The following GABRA2 variants were observed in gnomAD, a reference collection of about 807,000 sequenced individuals.
The protein encoded by GABRA2 is gamma-aminobutyric acid type A receptor subunit alpha2, also known as gamma-aminobutyric acid receptor subunit alpha-2.
Under a neutral mutation model 48.7 loss-of-function variants are expected in GABRA2, and 16 were observed. That is an observed-to-expected ratio of 0.33 (90% CI 0.22 to 0.50). The LOEUF (loss-of-function observed/expected upper bound fraction) is 0.50, where lower values mean the gene tolerates loss of function less well. Ranked by LOEUF, GABRA2 falls within the 20% of genes least tolerant of loss-of-function variation. The pLI, the probability that GABRA2 is intolerant of heterozygous loss-of-function variation, is 0.98. For synonymous variants in GABRA2, 185 were observed against 184.5 expected, an observed-to-expected ratio of 1.00 and a Z score of -0.02; for missense variants, 275 against 535.6, an observed-to-expected ratio of 0.51 and a Z score of 4.80.
At chr4:46,275,054 G>A (rs892876649) in intron 8 of GABRA2, among the ~76,000 whole-genome samples, 7 of 151,976 alleles carry the variant, frequency 4.6e-5, no homozygotes, top group Admixed American at 1.3e-4. Context: ...AGAATTTAAC[G>A]CGGCTCTCGT....
At chr4:46,285,429 T>C (rs576589802) in intron 8 of GABRA2, among the ~76,000 whole-genome samples, 3 of 152,196 alleles carry the variant, frequency 2.0e-5, no homozygotes, top group South Asian at 2.1e-4. Context: ...CTTCTGCTGA[T>C]TGTAAGTTAA....
At chr4:46,324,630 G>C (rs1249357840) in intron 4 of GABRA2, among the ~76,000 whole-genome samples, 1 of 151,494 alleles carries the variant, frequency 6.6e-6, no homozygotes, top group East Asian at 1.9e-4. Flanking sequence ...TACACAACTA[G>C]ATTGCATGTT....
rs1485575079 is a variant in GABRA2, at chr4:46,389,988, G to C, written c.-264C>G. The C allele has an allele frequency of 1.4e-5, 14 of 987,164 alleles. No homozygotes were observed. Among genetic ancestry groups the C allele is most frequent in the Non-Finnish European group, 1.7e-5 (14 of 831,390 alleles). 61.2% of individuals were successfully genotyped at this position (987,164 alleles called of 1,614,324 possible). Reference sequence around the variant, plus strand: ...GAAGGCGTTCGTAGTGGCGGTGATGGGCGGAGGAGGAGGAAGAGGAGGAGG... The same window carrying C: ...GAAGGCGTTCGTAGTGGCGGTGATGCGCGGAGGAGGAGGAAGAGGAGGAGG... On this transcript the variant is annotated 5_prime_UTR_variant, in exon 1 of 10. Coordinates refer to ENST00000381620, the MANE Select transcript of GABRA2 (RefSeq NM_000807.4).
chr4:46,295,355 T>C (rs759273418), intron 8 of GABRA2, among the ~76,000 whole-genome samples: 13 of 152,106 alleles, frequency 8.5e-5, no homozygotes, highest in Non-Finnish European at 1.6e-4. Flanking sequence ...GATTGGAAAA[T>C]TGGTGACAAA....
Position 46,346,025 on chromosome 4 carries a change from G to A in GABRA2, c.188-13343C>T, listed in dbSNP as rs533473807. ...TCTTGTATCATAACTAGAATGTCAC[G>A]CACACATTTTAAGATGAGTTAGTCA... On this transcript the variant is annotated intron_variant, in intron 3 of 9. Coordinates refer to ENST00000381620, the MANE Select transcript of GABRA2 (RefSeq NM_000807.4). Among the ~76,000 whole-genome samples, 47 of 151,936 alleles carry A rather than the reference G, an allele frequency of 3.1e-4. 2 individuals carry two copies. In the South Asian group the frequency reaches 7.3e-3, roughly 23 times the overall value.
intron 8 of GABRA2, among the ~76,000 whole-genome samples, chr4:46,273,502 CATATATATATAT>C (rs71637683): frequency 3.3e-4 from 16 of 48,144 alleles, no homozygotes; most frequent in Non-Finnish European, 8.1e-5. Flanking sequence ...TATATATATG[CATATATATATAT>C]ATATATATAT....
chr4:46,309,606 C>T (rs1231321774), intron 6 of GABRA2, among the ~76,000 whole-genome samples: 1 of 151,774 alleles, frequency 6.6e-6, no homozygotes, highest in Non-Finnish European at 1.5e-5. Flanking sequence ...ACCCTTCTGA[C>T]CTAAAGAAGA....
Position 46,248,359 on chromosome 4 carries a change from C to G in GABRA2, c.*1949G>C, listed in dbSNP as rs1484276566. On this transcript the variant is annotated 3_prime_UTR_variant, in exon 10 of 10. Coordinates refer to ENST00000381620, the MANE Select transcript of GABRA2 (RefSeq NM_000807.4). ...TTAAATGTATAAGAAAATAGGATATCTTCTATTTCAATGTATGAATAAAGT... is the reference window on the plus strand; with the variant it reads ...TTAAATGTATAAGAAAATAGGATATGTTCTATTTCAATGTATGAATAAAGT... 2 of 151,280 alleles carry G rather than the reference C, an allele frequency of 1.3e-5. No individual in the cohort carries two copies. Among genetic ancestry groups the G allele is most frequent in the Non-Finnish European group, 3.0e-5 (2 of 67,588 alleles). 9.4% of individuals were successfully genotyped at this position (151,280 alleles called of 1,614,324 possible). A position where few individuals can be genotyped will look rare whatever the true frequency, so the allele number is the denominator to read the frequency against.
intron 6 of GABRA2, among the ~76,000 whole-genome samples, chr4:46,309,856 G>A (rs1205776036): frequency 1.3e-5 from 2 of 151,992 alleles, no homozygotes; most frequent in African/African-American, 2.4e-5. Flanking sequence ...AGAAACATTT[G>A]AGTTTTTAAT....
intron 8 of GABRA2, among the ~76,000 whole-genome samples, chr4:46,294,335 T>C (rs1410632824): frequency 6.6e-6 from 1 of 152,210 alleles, no homozygotes; most frequent in East Asian, 1.9e-4. Context: ...GTAAAATTTC[T>C]AGGGGTCCAG....
At position 46,247,306 on chromosome 4, in the gene GABRA2, A is replaced by T. The variant is rs1713897874; in HGVS notation, c.*3002T>A. Among the ~76,000 whole-genome samples the T allele has an allele frequency of 6.6e-6, 1 of 151,182 alleles. No individual in the cohort carries two copies. On this transcript the variant is annotated 3_prime_UTR_variant, in exon 10 of 10. Transcript: ENST00000381620. ...GAGAAAAACAGCCACCTATCCTAGC[A>T]CACTAGTGGCATCATAGCTCATTAA...
At chr4:46,385,078 C>CATATATAT (rs36113226) in intron 3 of GABRA2, among the ~76,000 whole-genome samples, 82 of 143,546 alleles carry the variant, frequency 5.7e-4, no homozygotes, top group South Asian at 2.7e-3. Flanking sequence ...AATTGCCTAA[C>CATATATAT]ATATATATAT....
intron 3 of GABRA2, chr4:46,367,988 C>A (rs1379330961): frequency 6.6e-6 from 1 of 152,044 alleles, no homozygotes; most frequent in Non-Finnish European, 1.5e-5. Context: ...CACATCTGGG[C>A]AGAAGCTTTA....
At chr4:46,270,304 A>G (rs1366315745) in intron 8 of GABRA2, among the ~76,000 whole-genome samples, 1 of 151,996 alleles carries the variant, frequency 6.6e-6, no homozygotes, top group Non-Finnish European at 1.5e-5. Flanking sequence ...CTGGAAAGAT[A>G]TGATTCTCAA....
intron 3 of GABRA2, among the ~76,000 whole-genome samples, chr4:46,361,277 C>G (rs989437114): frequency 1.3e-5 from 2 of 151,964 alleles, no homozygotes; most frequent in African/African-American, 2.4e-5. Context: ...GGCCGAGGGT[C>G]CCCCTGCTGT....
chr4:46,252,841 C>A (rs939331964), intron 9 of GABRA2, among the ~76,000 whole-genome samples: 3 of 151,362 alleles, frequency 2.0e-5, no homozygotes, highest in African/African-American at 7.3e-5. Flanking sequence ...TAATGTTTTT[C>A]TTCAGCTTGT....
chr4:46,358,512 G>A (rs1414854362), intron 3 of GABRA2, among the ~76,000 whole-genome samples: 3 of 152,132 alleles, frequency 2.0e-5, no homozygotes, highest in African/African-American at 4.8e-5. Context: ...GAGATGGTAG[G>A]TCTCTAAATA....
intron 3 of GABRA2, among the ~76,000 whole-genome samples, chr4:46,349,215 A>G (rs1462767923): frequency 6.6e-6 from 1 of 151,978 alleles, no homozygotes; most frequent in Non-Finnish European, 1.5e-5. Flanking sequence ...CTTTATTGAG[A>G]TATTTGCTTT....
Position 46,389,343 on chromosome 4 carries a change from G to A in GABRA2, c.-11+392C>T, listed in dbSNP as rs887238738. The A allele has an allele frequency of 6.1e-6, 6 of 985,308 alleles. No individual in the cohort carries two copies. In the African/African-American group the frequency reaches 1.0e-4, roughly 17 times the overall value. 61.0% of individuals were successfully genotyped at this position (985,308 alleles called of 1,614,324 possible). A position where few individuals can be genotyped will look rare whatever the true frequency, so the allele number is the denominator to read the frequency against. The stretch of plus-strand genomic sequence containing the variant: ...TGCCCAAGACCAAGTCTTAGAGGCA[G>A]CCGGGTTCCGATCAAGTGCTGCGAA... On this transcript the variant is annotated intron_variant, in intron 1 of 9. Transcript: ENST00000381620.
Sources: gnomAD v4.1 joint callset for allele counts (sites outside exome capture counted in the v4.1 genomes callset) on GRCh38, gnomAD v4.1.1 for gene constraint, MANE v1.5 for transcripts, NCBI Gene and HGNC (gene_info 2026-07-23, HGNC 2026-07-21) for gene names.